Variants in CDH18 observed in about 807,000 individuals in gnomAD.
CDH18 encodes cadherin-18.
A neutral mutation model predicts 67.9 loss-of-function variants in CDH18; 31 were observed. The ratio of observed to expected loss-of-function variants is 0.46; its 90% confidence interval spans 0.34 to 0.62. The LOEUF (loss-of-function observed/expected upper bound fraction) is 0.62. Ranked by LOEUF, CDH18 falls within the 20% of genes least tolerant of loss-of-function variation. The pLI is 0.01. For synonymous variants in CDH18, 362 were observed against 347.2 expected (o/e 1.04, Z -0.48); for missense variants, 890 against 975.5 (o/e 0.91, Z 1.17).
At chr5:20,465,149 A>T (rs1751551811) in intron 1 of CDH18, among the ~76,000 whole-genome samples, 1 of 152,108 alleles carries the variant, frequency 6.6e-6, no homozygotes, top group Non-Finnish European at 1.5e-5. Flanking sequence ...AAATGACAGG[A>T]TGGCATGAGA....
At chr5:20,562,255 A>T (rs1393605485) in intron 1 of CDH18, among the ~76,000 whole-genome samples, 1 of 151,860 alleles carries the variant, frequency 6.6e-6, no homozygotes, top group Non-Finnish European at 1.5e-5. Context: ...AGAAATTAGT[A>T]TCAAGAGTTT....
chr5:19,521,968 G>A (rs1048431510), intron 9 of CDH18, among the ~76,000 whole-genome samples: 4 of 151,806 alleles, frequency 2.6e-5, no homozygotes, highest in Non-Finnish European at 4.4e-5. Flanking sequence ...TACCACTCAC[G>A]ACACATATTA....
At chr5:20,487,186 C>G (rs1167188703) in intron 1 of CDH18, among the ~76,000 whole-genome samples, 1 of 152,152 alleles carries the variant, frequency 6.6e-6, no homozygotes, top group Non-Finnish European at 1.5e-5. Context: ...GTCCTCACCT[C>G]TAACCCTTCC....
intron 8 of CDH18, among the ~76,000 whole-genome samples, chr5:19,550,141 G>C (rs1258688902): frequency 6.6e-6 from 1 of 151,304 alleles, no homozygotes; most frequent in African/African-American, 2.4e-5. Context: ...ACTAGAAAAA[G>C]AGAGAAAAAA....
At chr5:20,109,560 T>C (rs988550945) in intron 2 of CDH18, among the ~76,000 whole-genome samples, 1 of 152,232 alleles carries the variant, frequency 6.6e-6, no homozygotes, top group Non-Finnish European at 1.5e-5. Context: ...CTAACTGACT[T>C]GCAAATACCT....
chr5:20,007,275 G>C (rs1736980337), intron 2 of CDH18, among the ~76,000 whole-genome samples: 2 of 151,756 alleles, frequency 1.3e-5, no homozygotes, highest in Non-Finnish European at 2.9e-5. Context: ...TTATTCAATT[G>C]ATTATAGAGA....
At chr5:19,658,124 CTT>C (rs948545505) in intron 5 of CDH18, among the ~76,000 whole-genome samples, 3 of 96,406 alleles carry the variant, frequency 3.1e-5, no homozygotes, top group Admixed American at 1.2e-4. Flanking sequence ...AAAGTTATCT[CTT>C]TATTATTGCT....
At chr5:19,717,065 T>A (rs750988414) in intron 5 of CDH18, among the ~76,000 whole-genome samples, 2 of 152,070 alleles carry the variant, frequency 1.3e-5, no homozygotes, top group Non-Finnish European at 2.9e-5. Flanking sequence ...TCATGTTAAT[T>A]ATGGTCAAAA....
At chr5:20,481,466 C>T (rs1015164110) in intron 1 of CDH18, among the ~76,000 whole-genome samples, 9 of 151,966 alleles carry the variant, frequency 5.9e-5, no homozygotes, top group Non-Finnish European at 1.0e-4. Flanking sequence ...AAAAAATGGA[C>T]CTAATAGGTA....
chr5:20,216,301 G>A (rs181320246), intron 2 of CDH18, among the ~76,000 whole-genome samples: 297 of 152,076 alleles, frequency 2.0e-3, no homozygotes, highest in African/African-American at 6.6e-3. Context: ...CCCAATGCAA[G>A]TCTTGATGGA....
intron 2 of CDH18, among the ~76,000 whole-genome samples, chr5:19,846,365 T>G (rs1204240700): frequency 1.3e-5 from 2 of 152,132 alleles, no homozygotes; most frequent in Non-Finnish European, 2.9e-5. Flanking sequence ...CCAATTAATA[T>G]ATTTGTTATT....
At chr5:19,918,387 T>C (rs1476058090) in intron 2 of CDH18, among the ~76,000 whole-genome samples, 1 of 152,150 alleles carries the variant, frequency 6.6e-6, no homozygotes, top group Non-Finnish European at 1.5e-5. Flanking sequence ...ATATAAGAAA[T>C]TATGCTTCAA....
intron 2 of CDH18, among the ~76,000 whole-genome samples, chr5:20,149,198 C>A (rs1044127633): frequency 6.6e-6 from 1 of 152,106 alleles, no homozygotes; most frequent in Non-Finnish European, 1.5e-5. Flanking sequence ...TTCTTAAATA[C>A]TTGTGGCTCA....
At chr5:20,390,441 C>T (rs1580888172) in intron 1 of CDH18, among the ~76,000 whole-genome samples, 1 of 152,162 alleles carries the variant, frequency 6.6e-6, no homozygotes, top group Non-Finnish European at 1.5e-5. Context: ...CAATGAGACA[C>T]CATCTCACAC....
chr5:19,757,973 G>A (rs1369366332), intron 3 of CDH18, among the ~76,000 whole-genome samples: 1 of 152,162 alleles, frequency 6.6e-6, no homozygotes, highest in African/African-American at 2.4e-5. Flanking sequence ...AGAACCATCT[G>A]TGAACCAGGC....
intron 1 of CDH18, among the ~76,000 whole-genome samples, chr5:20,527,060 A>C (rs548815685): frequency 1.3e-5 from 2 of 152,228 alleles, no homozygotes; most frequent in South Asian, 2.1e-4. Flanking sequence ...TTTAGAGAGG[A>C]ACATAAATTA....
intron 2 of CDH18, among the ~76,000 whole-genome samples, chr5:20,171,473 A>G (rs1370153455): frequency 2.6e-5 from 4 of 151,840 alleles, no homozygotes; most frequent in Non-Finnish European, 2.9e-5. Flanking sequence ...AGTGACATTG[A>G]GATTTTTTTT....
chr5:19,595,086 G>A lies in CDH18; in HGVS notation c.812-3842C>T, dbSNP rs1007139578. 4.6e-5 allele frequency among the ~76,000 whole-genome samples: 7 copies of A among 151,856 alleles called. No homozygotes were observed. The East Asian group carries it at 9.7e-4, about 21-fold the overall frequency. The stretch of plus-strand genomic sequence containing the variant: ...ATTGTTATAACTAATAAACAAATTC[G>A]GTAAAGTTGCAGACATAAAATCAAC... On this transcript the variant is annotated intron_variant, in intron 6 of 12. Coordinates refer to ENST00000382275, the MANE Select transcript of CDH18 (RefSeq NM_004934.5).
intron 3 of CDH18, among the ~76,000 whole-genome samples, chr5:19,794,377 G>A (rs991447709): frequency 5.3e-5 from 8 of 152,120 alleles, no homozygotes; most frequent in Admixed American, 5.3e-4. Flanking sequence ...AGTTCTTTAT[G>A]TCATAGATGG....
Sources: allele counts gnomAD v4.1 joint callset (sites outside exome capture counted in the v4.1 genomes callset), GRCh38; gene constraint gnomAD v4.1.1; transcripts MANE v1.5; gene names NCBI Gene and HGNC (gene_info 2026-07-23, HGNC 2026-07-21).